MTUS1: variants seen among roughly 807,000 people sequenced by gnomAD.
MTUS1 encodes the protein microtubule associated scaffold protein 1, also known as microtubule-associated tumor suppressor 1.
MTUS1 carries 109 observed loss-of-function variants against 120.8 expected under a neutral mutation model. The observed-to-expected ratio is 0.90, with a 90% confidence interval of 0.77 to 1.06. MTUS1 has a LOEUF of 1.06. MTUS1 is among the 50% of genes least tolerant of loss of function. The probability of loss-of-function intolerance (pLI) is 0.00; values close to 1 mark genes in which losing one functional copy is unlikely to be tolerated. For synonymous variants in MTUS1, 737 were observed against 550.5 expected (o/e 1.34, Z -4.74); for missense variants, 2,210 against 1,486.3 (o/e 1.49, Z -8.01).
intron 7 of MTUS1, among the ~76,000 whole-genome samples, chr8:17,678,818 G>T (rs1813655223): frequency 6.6e-6 from 1 of 151,092 alleles, no homozygotes; most frequent in African/African-American, 2.4e-5. Context: ...CCTCAGCCCT[G>T]TTCAAGTTTA....
At chr8:17,725,527 G>C (rs2131131780) in intron 3 of MTUS1, among the ~76,000 whole-genome samples, 1 of 152,262 alleles carries the variant, frequency 6.6e-6, no homozygotes, top group South Asian at 2.1e-4. Context: ...TTTTCAAAGA[G>C]CTCTTCTTCC....
chr8:17,723,738 G>T lies in MTUS1; in HGVS notation c.2383C>A (p.Arg795=). 2 of 1,610,648 alleles carry T rather than the reference G, an allele frequency of 1.2e-6. No individual in the cohort carries two copies. The highest frequency in any genetic ancestry group is 1.7e-6 in the Non-Finnish European group (2 of 1,177,672). ...SKASLKSPAL[R]RTGSTPSIAS... The stretch of plus-strand genomic sequence containing the variant: ...ATTGAGGGGGTGCTTCCTGTCCTCC[G>T]CAGCGCAGGACTTTTCAAAGATGCT... The change falls in exon 4 of 15, where the codon CGG becomes AGG. Residue 795 remains arginine (R), a synonymous_variant. Transcript: ENST00000693296.
intron 8 of MTUS1, among the ~76,000 whole-genome samples, chr8:17,669,934 C>T (rs1256189361): frequency 1.3e-5 from 2 of 152,212 alleles, no homozygotes; most frequent in Non-Finnish European, 2.9e-5. Context: ...GTTGGGGGCG[C>T]AGGCCTGGAG....
At position 17,650,040 on chromosome 8, in the gene MTUS1, G is replaced by A. The variant is rs10098098; in HGVS notation, c.3385-78C>T. ...AACAGAAAGAATCTTTGATTAGATT[G>A]AGACATTAGACAAGTAGCAAGCGAC... On this transcript the variant is annotated intron_variant, in intron 12 of 14. Transcript: ENST00000693296. 1.2e-3 allele frequency: 978 copies of A among 822,772 alleles called. 7 individuals carry two copies. The African/African-American group carries it at 0.015, about 13-fold the overall frequency. 51.0% of individuals were successfully genotyped at this position (822,772 alleles called of 1,614,324 possible).
At chr8:17,682,479 T>C (rs991688373) in intron 7 of MTUS1, among the ~76,000 whole-genome samples, 6 of 145,786 alleles carry the variant, frequency 4.1e-5, no homozygotes, top group South Asian at 4.4e-4. Context: ...GATCACGCCA[T>C]TGCATACCAG....
At chr8:17,702,892 G>T (rs1819381748) in intron 6 of MTUS1, among the ~76,000 whole-genome samples, 1 of 152,158 alleles carries the variant, frequency 6.6e-6, no homozygotes, top group Non-Finnish European at 1.5e-5. Flanking sequence ...CATAAATTGT[G>T]ACGATTTCAT....
At chr8:17,738,449 C>A (rs2047081350) in intron 3 of MTUS1, among the ~76,000 whole-genome samples, 1 of 152,188 alleles carries the variant, frequency 6.6e-6, no homozygotes, top group Admixed American at 6.5e-5. Flanking sequence ...CTGGGAAAAG[C>A]TGGTATTGCC....
intron 3 of MTUS1, among the ~76,000 whole-genome samples, chr8:17,725,543 T>C (rs1467410991): frequency 6.6e-6 from 1 of 152,182 alleles, no homozygotes; most frequent in Non-Finnish European, 1.5e-5. Flanking sequence ...CTTCCACCCT[T>C]TGAATCCTTA....
At chr8:17,727,056 A>G (rs145456163) in intron 3 of MTUS1, among the ~76,000 whole-genome samples, 1 of 152,098 alleles carries the variant, frequency 6.6e-6, no homozygotes, top group East Asian at 1.9e-4. Context: ...GCAACCAAAT[A>G]TCATTTCCCT....
Position 17,747,502 on chromosome 8 carries a change from AGGT to A in MTUS1, c.2092-3706_2092-3704del, listed in dbSNP as rs537172368. On this transcript the variant is annotated intron_variant, in intron 2 of 14. Transcript: ENST00000693296. ...AGAGAAATTCTAGGCAGACGGGGGCAGGTCCCCAGCAAAACCCCACCTTCAAGG... is the reference window on the plus strand; with the variant it reads ...AGAGAAATTCTAGGCAGACGGGGGCACCCCAGCAAAACCCCACCTTCAAGG... 1.3e-3 allele frequency among the ~76,000 whole-genome samples: 195 copies of A among 152,312 alleles called. 1 individual carries two copies. The highest frequency in any genetic ancestry group is 4.6e-3 in the African/African-American group (191 of 41,562).
rs372421135 is a variant in MTUS1 at position 17,684,578 on chromosome 8, G to A, written c.2624-36C>T. 5.2e-6 allele frequency: 8 copies of A among 1,539,316 alleles called. No individual in the cohort carries two copies. The African/African-American group carries it at 1.1e-4, about 21-fold the overall frequency. On this transcript the variant is annotated intron_variant, in intron 6 of 14. Coordinates refer to ENST00000693296, the MANE Select transcript of MTUS1 (RefSeq NM_001363059.2). Reference sequence around the variant, plus strand: ...AATTAACATAGGTACAAAGATAGGTGAGGTTAATTTTTAAAATCACCACCA... The same window carrying A: ...AATTAACATAGGTACAAAGATAGGTAAGGTTAATTTTTAAAATCACCACCA...
chr8:17,653,323 C>T, intron 11 of MTUS1, 42 bp from the exon 12 acceptor site: 5 of 1,488,792 alleles, frequency 3.4e-6, no homozygotes, highest in Non-Finnish European at 4.5e-6. Context: ...AACAAGAAAA[C>T]CCCAGAAACT....
intron 6 of MTUS1, among the ~76,000 whole-genome samples, chr8:17,704,761 T>C (rs1276443447): frequency 1.3e-5 from 2 of 152,218 alleles, no homozygotes; most frequent in East Asian, 1.9e-4. Context: ...TCTGTCATTC[T>C]ATATGACTTT....
At chr8:17,782,976 G>A (rs1312468933) in intron 1 of MTUS1, among the ~76,000 whole-genome samples, 2 of 152,198 alleles carry the variant, frequency 1.3e-5, no homozygotes, top group Non-Finnish European at 2.9e-5. Context: ...TACTCAGGAG[G>A]CTGAGGCAGG....
At chr8:17,683,335 A>C (rs1226936072) in intron 7 of MTUS1, among the ~76,000 whole-genome samples, 3 of 152,142 alleles carry the variant, frequency 2.0e-5, no homozygotes, top group Non-Finnish European at 4.4e-5. Context: ...GCACAGACCA[A>C]GTCTCATCCA....
chr8:17,729,523 C>G (rs911617245), intron 3 of MTUS1, among the ~76,000 whole-genome samples: 1 of 152,152 alleles, frequency 6.6e-6, no homozygotes, highest in Non-Finnish European at 1.5e-5. Context: ...CACACATAGA[C>G]ACACACATAT....
intron 6 of MTUS1, chr8:17,692,015 C>G (rs920701745): frequency 3.9e-5 from 6 of 152,194 alleles, no homozygotes; most frequent in African/African-American, 1.4e-4. Context: ...CCATTACACA[C>G]AGGTAATCAA....
intron 5 of MTUS1, 82 bp downstream of exon 5, chr8:17,715,685 T>C: frequency 1.5e-6 from 2 of 1,365,816 alleles, no homozygotes; most frequent in Non-Finnish European, 1.0e-6. Flanking sequence ...ACCATAAACC[T>C]AATTGTCAAA....
At chr8:17,679,585 T>A (rs928319301) in intron 7 of MTUS1, among the ~76,000 whole-genome samples, 7 of 152,046 alleles carry the variant, frequency 4.6e-5, no homozygotes, top group African/African-American at 1.7e-4. Context: ...CACTGCAACC[T>A]CCACCTATTG....
Sources: gnomAD v4.1 joint callset for allele counts (sites outside exome capture counted in the v4.1 genomes callset) on GRCh38, gnomAD v4.1.1 for gene constraint, MANE v1.5 for transcripts, NCBI Gene and HGNC (gene_info 2026-07-23, HGNC 2026-07-21) for gene names.